Variants in GNB1 observed in about 807,000 individuals in gnomAD.
GNB1 encodes the protein G protein subunit beta 1, also known as guanine nucleotide-binding protein G(I)/G(S)/G(T) subunit beta-1.
In GNB1, 2 loss-of-function variants were observed where a neutral mutation model predicts 42.9. The ratio of observed to expected loss-of-function variants is 0.05; its 90% confidence interval spans 0.02 to 0.15. The LOEUF (loss-of-function observed/expected upper bound fraction) is 0.15, where lower values mean the gene tolerates loss of function less well. Among genes scored for constraint, GNB1 ranks in the 10% least tolerant of loss-of-function variants. The probability of loss-of-function intolerance (pLI) is 1.00; values close to 1 mark genes in which losing one functional copy is unlikely to be tolerated. For missense variants in GNB1, 193 were observed against 462.2 expected (o/e 0.42, Z 5.34); for synonymous variants, 183 against 174.7 (o/e 1.05, Z -0.38).
chr1:1,804,231 G>A (rs192583898), intron 7 of GNB1, among the ~76,000 whole-genome samples, 188 bp downstream of exon 7: 1,510 of 149,320 alleles, frequency 0.01, 15 homozygotes, highest in Non-Finnish European at 0.015. Flanking sequence ...CCCAGGAGGC[G>A]GAGCGTGCAG....
intron 1 of GNB1, among the ~76,000 whole-genome samples, chr1:1,867,056 CA>C (rs1648982326): frequency 6.6e-6 from 1 of 152,156 alleles, no homozygotes; most frequent in South Asian, 2.1e-4. Flanking sequence ...CGCCTGAGGT[CA>C]GGAGTTCGAG....
intron 4 of GNB1, among the ~76,000 whole-genome samples, chr1:1,816,210 G>T (rs555646811): frequency 6.6e-6 from 1 of 152,078 alleles, no homozygotes; most frequent in African/African-American, 2.4e-5. Context: ...TTGAGATCTC[G>T]CAACTCTTCT....
intron 4 of GNB1, 104 bp downstream of exon 4, chr1:1,817,733 G>T: frequency 2.7e-6 from 2 of 748,694 alleles, no homozygotes; most frequent in Non-Finnish European, 2.3e-6. Context: ...CATCCTCACT[G>T]CGCAACAGAG....
chr1:1,871,367 G>C (rs1447247572), intron 1 of GNB1, among the ~76,000 whole-genome samples: 1 of 152,110 alleles, frequency 6.6e-6, no homozygotes, highest in East Asian at 1.9e-4. Flanking sequence ...GGCTGAGGCA[G>C]GAGTATTGCT....
intron 5 of GNB1, among the ~76,000 whole-genome samples, chr1:1,812,181 C>T (rs1030346485): frequency 2.6e-5 from 4 of 151,982 alleles, no homozygotes; most frequent in Admixed American, 2.6e-4. Flanking sequence ...AAAATATATA[C>T]CCTCCCCACT....
At chr1:1,867,728 C>A (rs998025717) in intron 1 of GNB1, among the ~76,000 whole-genome samples, 1 of 152,200 alleles carries the variant, frequency 6.6e-6, no homozygotes. Context: ...CCCAAACAGG[C>A]ATCTTTTGCT....
chr1:1,801,511 C>T (rs760124108), intron 7 of GNB1, among the ~76,000 whole-genome samples: 2 of 152,168 alleles, frequency 1.3e-5, no homozygotes, highest in Non-Finnish European at 2.9e-5. Context: ...CCTTACGTTT[C>T]CTATCAACTA....
intron 5 of GNB1, among the ~76,000 whole-genome samples, chr1:1,807,459 G>A (rs1646711179): frequency 1.6e-5 from 1 of 64,186 alleles, no homozygotes; most frequent in South Asian, 6.5e-4. Flanking sequence ...GCGAGATCCT[G>A]ACTGAAAAAA....
intron 5 of GNB1, among the ~76,000 whole-genome samples, chr1:1,807,463 G>GAAAAAAACAAAAAAAA (rs1646711777): frequency 3.9e-5 from 1 of 25,580 alleles, no homozygotes; most frequent in Non-Finnish European, 6.3e-5. Flanking sequence ...GATCCTGACT[G>GAAAAAAACAAAAAAAA]AAAAAAAAAA....
Position 1,848,102 on chromosome 1 carries a change from G to A in GNB1, c.-95-8864C>T, listed in dbSNP as rs542854289. On this transcript the variant is annotated intron_variant, in intron 1 of 11. Coordinates refer to ENST00000378609, the MANE Select transcript of GNB1 (RefSeq NM_002074.5). ...TTTTAGAGAAATGAAAAAGCAGGCC[G>A]GGTGCGGTGGCTCAGGCCTGTACTC... Among the ~76,000 whole-genome samples the A allele has an allele frequency of 1.0e-3, 159 of 152,102 alleles. 1 individual carries two copies. Among genetic ancestry groups the A allele is most frequent in the African/African-American group, 3.7e-3 (152 of 41,508 alleles).
At chr1:1,811,460 C>T (rs1030262260) in intron 5 of GNB1, among the ~76,000 whole-genome samples, 7 of 151,864 alleles carry the variant, frequency 4.6e-5, no homozygotes, top group East Asian at 2.0e-4. Flanking sequence ...TTTGGGAGGC[C>T]GAGGCGAGCG....
chr1:1,807,623 T>C (rs1646719572), intron 5 of GNB1, among the ~76,000 whole-genome samples: 3 of 152,018 alleles, frequency 2.0e-5, no homozygotes, highest in South Asian at 2.1e-4. Flanking sequence ...AAAGGAGGCG[T>C]TCCCTCCTCA....
chr1:1,878,664 C>T (rs1016507169), intron 1 of GNB1, among the ~76,000 whole-genome samples: 1 of 152,234 alleles, frequency 6.6e-6, no homozygotes, highest in Admixed American at 6.6e-5. Context: ...GTTGGCATCT[C>T]TTATTCACTG....
At chr1:1,840,233 G>GAAA (rs35854289) in intron 1 of GNB1, among the ~76,000 whole-genome samples, 1 of 120,402 alleles carries the variant, frequency 8.3e-6, no homozygotes, top group Non-Finnish European at 1.8e-5. Context: ...GTCTCGAAAA[G>GAAA]AAAAAAAAAA....
intron 5 of GNB1, among the ~76,000 whole-genome samples, chr1:1,812,428 A>ACC (rs528953427): frequency 4.1e-5 from 6 of 148,132 alleles, no homozygotes; most frequent in East Asian, 2.0e-4. Flanking sequence ...ACACACACAC[A>ACC]CCCTCCCCCC....
intron 7 of GNB1, among the ~76,000 whole-genome samples, chr1:1,795,270 G>C (rs1368357622): frequency 6.6e-6 from 1 of 152,118 alleles, no homozygotes; most frequent in Non-Finnish European, 1.5e-5. Context: ...CTGGCTTCCT[G>C]GTTCACACTC....
intron 1 of GNB1, among the ~76,000 whole-genome samples, chr1:1,843,825 C>T (rs540612729): frequency 1.3e-5 from 2 of 152,206 alleles, no homozygotes; most frequent in Admixed American, 6.5e-5. Flanking sequence ...TTTGGGAGGC[C>T]GAGGCGGGTG....
Position 1,851,983 on chromosome 1 carries a change from C to T in GNB1, c.-95-12745G>A, listed in dbSNP as rs142462607. On this transcript the variant is annotated intron_variant, in intron 1 of 11. Transcript: ENST00000378609. The stretch of plus-strand genomic sequence containing the variant: ...GCTTGAACCCAGGAGGCAGAGATTG[C>T]GGTGAGCCAAGATAGCGCCATTGCA... Among the ~76,000 whole-genome samples the T allele has an allele frequency of 3.7e-3, 553 of 151,256 alleles. 6 individuals carry two copies. Among genetic ancestry groups the T allele is most frequent in the African/African-American group, 0.012 (513 of 41,200 alleles).
At chr1:1,873,037 C>T (rs1259031472) in intron 1 of GNB1, among the ~76,000 whole-genome samples, 1 of 151,766 alleles carries the variant, frequency 6.6e-6, no homozygotes, top group Non-Finnish European at 1.5e-5. Context: ...TCCTACTCTC[C>T]AAGCCTGTGC....
Sources: gnomAD v4.1 joint callset for allele counts (sites outside exome capture counted in the v4.1 genomes callset) on GRCh38, gnomAD v4.1.1 for gene constraint, MANE v1.5 for transcripts, NCBI Gene and HGNC (gene_info 2026-07-23, HGNC 2026-07-21) for gene names.